The following KNTC1 variants were observed in gnomAD, a reference collection of about 807,000 sequenced individuals.
KNTC1 encodes kinetochore-associated protein 1.
KNTC1 carries 253 observed loss-of-function variants against 314.4 expected under a neutral mutation model. The ratio of observed to expected loss-of-function variants is 0.80; its 90% CI spans 0.73 to 0.89. The LOEUF (loss-of-function observed/expected upper bound fraction) is 0.89, where lower values mean the gene tolerates loss of function less well. Ranked by LOEUF, KNTC1 falls within the 40% of genes least tolerant of loss-of-function variation. The pLI, the probability that KNTC1 is intolerant of heterozygous loss-of-function variation, is 0.00. For synonymous variants in KNTC1, 901 were observed against 901.4 expected (o/e 1.00, Z 0.01); for missense variants, 2,475 against 2,572.9 (o/e 0.96, Z 0.82).
intron 19 of KNTC1, among the ~76,000 whole-genome samples, chr12:122,562,419 T>A (rs977703463): frequency 6.6e-6 from 1 of 150,672 alleles, no homozygotes; most frequent in Non-Finnish European, 1.5e-5. Context: ...TAATTGGAAA[T>A]GTTTTTCTTA....
intron 51 of KNTC1, among the ~76,000 whole-genome samples, chr12:122,608,558 T>C (rs2138141546): frequency 6.6e-6 from 1 of 152,294 alleles, no homozygotes; most frequent in Middle Eastern, 3.4e-3. Flanking sequence ...CTTGGCCACG[T>C]AGAATATGTG....
At chr12:122,580,470 A>G in intron 32 of KNTC1, 133 bp from the exon 33 acceptor site, 1 of 599,846 alleles carries the variant, frequency 1.7e-6, no homozygotes, top group Non-Finnish European at 3.0e-6. Context: ...TAGTTACTGT[A>G]TATTATCATT....
At chr12:122,531,261 G>A (rs2137639514) in intron 2 of KNTC1, among the ~76,000 whole-genome samples, 1 of 152,024 alleles carries the variant, frequency 6.6e-6, no homozygotes, top group South Asian at 2.1e-4. Flanking sequence ...TCTTGCTGTG[G>A]TGCTATCTCG....
intron 13 of KNTC1, among the ~76,000 whole-genome samples, chr12:122,550,676 C>A (rs1249481832): frequency 6.6e-6 from 1 of 152,078 alleles, no homozygotes; most frequent in Non-Finnish European, 1.5e-5. Context: ...CTAATTTTTA[C>A]ATTTTTTGTA....
Position 122,530,168 on chromosome 12 carries a change from G to C in KNTC1, c.105G>C (p.Leu35Phe). The C allele has an allele frequency of 6.2e-7, 1 of 1,613,330 alleles. No individual in the cohort carries two copies. ...EHGTALYQVD[L>F]LVKISSEKAS... ...GAACTGCTTTATATCAAGTAGATTT[G>C]CTAGTGAAGATCTCTTCTGAAAAGG... The change falls in exon 2 of 64, where the codon TTG becomes TTC. Residue 35 changes from leucine (L) to phenylalanine (F), a missense_variant. Coordinates refer to ENST00000333479, the MANE Select transcript of KNTC1 (RefSeq NM_014708.6).
At chr12:122,607,369 T>C (rs2138137301) in intron 51 of KNTC1, among the ~76,000 whole-genome samples, 1 of 152,320 alleles carries the variant, frequency 6.6e-6, no homozygotes, top group South Asian at 2.1e-4. Context: ...TGGCCTCTAG[T>C]CTGTTTTAAT....
chr12:122,532,024 C>T (rs1961374631), intron 2 of KNTC1, among the ~76,000 whole-genome samples: 2 of 145,292 alleles, frequency 1.4e-5, no homozygotes, highest in Admixed American at 1.4e-4. Flanking sequence ...TGAGCCACCG[C>T]ACCCGGCCAT....
At chr12:122,604,086 G>C (rs1872298536) in intron 48 of KNTC1, among the ~76,000 whole-genome samples, 2 of 150,478 alleles carry the variant, frequency 1.3e-5, no homozygotes, top group Non-Finnish European at 3.0e-5. Context: ...AACACAGACT[G>C]ACACACACAC....
intron 20 of KNTC1, among the ~76,000 whole-genome samples, chr12:122,567,372 T>G (rs1485822338): frequency 6.6e-6 from 1 of 152,160 alleles, no homozygotes; most frequent in African/African-American, 2.4e-5. Context: ...GATCAGCTGA[T>G]TTTTAAAAAT....
chr12:122,621,158 G>C (rs564453864), intron 60 of KNTC1, among the ~76,000 whole-genome samples: 1 of 152,196 alleles, frequency 6.6e-6, no homozygotes, highest in African/African-American at 2.4e-5. Context: ...GATTTTATGT[G>C]TGGGTGCCCA....
Position 122,603,190 on chromosome 12 carries a change from A to G in KNTC1, c.5048A>G (p.Asn1683Ser). ...TIESCLLSIVNPEWAVAIAIS... is the reference protein window; with the variant it reads ...TIESCLLSIVSPEWAVAIAIS... ...GAATCCTGCTTACTCTCTATAGTCA[A>G]CCCAGAGTGGGCTGTAGCTATTGCC... Residue 1683 changes from asparagine to serine, a missense_variant, in exon 48 of 64, where the codon AAC (asparagine) becomes AGC (serine). Transcript: ENST00000333479. 6.2e-7 allele frequency: 1 copy of G among 1,613,422 alleles called. No individual in the cohort carries two copies. Among genetic ancestry groups the G allele is most frequent in the Non-Finnish European group, 8.5e-7 (1 of 1,179,750 alleles).
intron 57 of KNTC1, chr12:122,617,481 C>A: frequency 2.4e-6 from 1 of 425,334 alleles, no homozygotes; most frequent in Admixed American, 2.5e-5. Flanking sequence ...GCCTTGGCCT[C>A]CCAAAGTACT....
intron 18 of KNTC1, among the ~76,000 whole-genome samples, chr12:122,560,888 ACT>A (rs1445959866): frequency 6.6e-6 from 1 of 151,946 alleles, no homozygotes; most frequent in African/African-American, 2.4e-5. Flanking sequence ...CCTGCCTCAG[ACT>A]CTCAAAGTGT....
In KNTC1 at chr12:122,583,438, A is replaced by G. The variant is rs566193379; in HGVS notation, c.3263+453A>G. Among the ~76,000 whole-genome samples, 13 of 152,380 alleles carry G rather than the reference A, an allele frequency of 8.5e-5. No individual in the cohort carries two copies. The South Asian group carries it at 1.2e-3, about 15-fold the overall frequency. On this transcript the variant is annotated intron_variant, in intron 34 of 63. Coordinates refer to ENST00000333479, the MANE Select transcript of KNTC1 (RefSeq NM_014708.6). Reference sequence around the variant, plus strand: ...CAGTGTCAGAAAGTAGTAGCATAAAAGGCAAGTAAGCAATACTGCAGAGTT... The same window carrying G: ...CAGTGTCAGAAAGTAGTAGCATAAAGGGCAAGTAAGCAATACTGCAGAGTT...
intron 51 of KNTC1, among the ~76,000 whole-genome samples, chr12:122,607,896 T>C (rs985434528): frequency 1.3e-5 from 2 of 152,198 alleles, no homozygotes; most frequent in African/African-American, 2.4e-5. Flanking sequence ...TTTCAAAGGA[T>C]CACACCAGGA....
intron 13 of KNTC1, 109 bp downstream of exon 13, chr12:122,549,973 C>T (rs982228120): frequency 9.9e-6 from 6 of 603,296 alleles, no homozygotes; most frequent in Non-Finnish European, 1.7e-5. Flanking sequence ...ATTAGTGGAA[C>T]CTAGTGGAAA....
At chr12:122,624,737 T>G (rs989658979) in intron 63 of KNTC1, 49 bp downstream of exon 63, 15 of 1,293,100 alleles carry the variant, frequency 1.2e-5, no homozygotes, top group Admixed American at 8.4e-5. Flanking sequence ...TTGTTTATAT[T>G]CCTAGGGCCT....
chr12:122,601,658 T>G (rs969805269), intron 45 of KNTC1, 33 bp downstream of exon 45: 1 of 1,442,622 alleles, frequency 6.9e-7, no homozygotes, highest in Non-Finnish European at 9.1e-7. Flanking sequence ...GTAAAAATCA[T>G]CTTTCTGCTT....
In KNTC1 at chr12:122,590,584, CT is replaced by C. The variant is rs755143866; in HGVS notation, c.4000-19del. On this transcript the variant is annotated intron_variant, in intron 40 of 63. Transcript: ENST00000333479. ...TGTTTTGATTGTGAAGAATTTGCTT[CT>C]TTTGCTGGTTTCTTCCTGTAGGTAT... is the stretch of plus-strand genomic sequence containing the variant. The C allele has an allele frequency of 1.1e-5, 18 of 1,578,624 alleles. No homozygotes were observed. The African/African-American group carries it at 2.0e-4, about 18-fold the overall frequency.
Sources: allele counts gnomAD v4.1 joint callset (sites outside exome capture counted in the v4.1 genomes callset), GRCh38; gene constraint gnomAD v4.1.1; transcripts MANE v1.5; gene names NCBI Gene and HGNC (gene_info 2026-07-23, HGNC 2026-07-21).